The following ABHD2 variants were observed in gnomAD, a reference collection of about 807,000 sequenced individuals.
The protein encoded by ABHD2 is abhydrolase domain containing 2, acylglycerol lipase.
ABHD2 carries 20 observed loss-of-function variants against 48.1 expected under a neutral mutation model. The observed-to-expected ratio is 0.42, with a 90% CI of 0.29 to 0.60. The LOEUF (loss-of-function observed/expected upper bound fraction) is 0.60. Among genes scored for constraint, ABHD2 ranks in the 20% least tolerant of loss-of-function variants. ABHD2 has a pLI of 0.24. For missense variants in ABHD2, 405 were observed against 550.9 expected, an observed-to-expected ratio of 0.74 and a Z score of 2.65; for synonymous variants, 209 against 214.2, an observed-to-expected ratio of 0.98 and a Z score of 0.21.
the ABHD2 span, among the ~76,000 whole-genome samples, chr15:89,042,593 T>C: frequency 5.6e-5 from 4 of 71,576 alleles, no homozygotes; most frequent in South Asian, 9.0e-4. Flanking sequence ...CTTTCTTATT[T>C]ATTTATTTAT....
At chr15:89,083,799 A>AT, upstream of ABHD2, among the ~76,000 whole-genome samples, 1 of 152,194 alleles carries the variant, frequency 6.6e-6, no homozygotes, top group Non-Finnish European at 1.5e-5. The surrounding 1 kb of genome is among the most constrained non-coding windows in gnomAD (Gnocchi z 5.1). Flanking sequence ...AAAGGACCAC[A>AT]TTTTTGAATT....
intron 3 of ABHD2, among the ~76,000 whole-genome samples, chr15:89,117,069 A>G (rs1340831250): frequency 1.3e-5 from 2 of 152,152 alleles, no homozygotes; most frequent in Non-Finnish European, 2.9e-5. Flanking sequence ...TCAGTCACTC[A>G]GGCTGGAGTA....
At chr15:89,074,078 A>G in the ABHD2 span, among the ~76,000 whole-genome samples, 1 of 152,168 alleles carries the variant, frequency 6.6e-6, no homozygotes, top group Admixed American at 6.5e-5. Context: ...CACTCTGTAC[A>G]TAAGAGTCAC....
the ABHD2 span, among the ~76,000 whole-genome samples, chr15:89,046,644 G>A: frequency 1.3e-5 from 2 of 152,086 alleles, no homozygotes; most frequent in Non-Finnish European, 2.9e-5. Context: ...ATGTGTCGAG[G>A]AATTTATCCA....
the ABHD2 span, among the ~76,000 whole-genome samples, chr15:89,051,725 C>T: frequency 6.6e-6 from 1 of 152,170 alleles, no homozygotes; most frequent in African/African-American, 2.4e-5. Flanking sequence ...TTGCCTGCTG[C>T]CATGTAAGAC....
At chr15:89,069,951 A>C in the ABHD2 span, 1 of 152,164 alleles carries the variant, frequency 6.6e-6, no homozygotes, top group Non-Finnish European at 1.5e-5. Flanking sequence ...AAGTGCTGGG[A>C]TTATAGGCAT....
chr15:89,103,716 G>T (rs1357972182), intron 1 of ABHD2, among the ~76,000 whole-genome samples: 1 of 152,164 alleles, frequency 6.6e-6, no homozygotes, highest in African/African-American at 2.4e-5. Context: ...CTGACATCCA[G>T]AATCCAGAAT....
the ABHD2 span, among the ~76,000 whole-genome samples, chr15:89,080,510 C>T: frequency 2.6e-5 from 4 of 152,024 alleles, no homozygotes; most frequent in Non-Finnish European, 5.9e-5. Flanking sequence ...CAAAGACTGA[C>T]CTGAAAGATT....
chr15:89,151,610 T>C lies in ABHD2; in HGVS notation c.195-67T>C. 2 of 1,530,966 alleles carry C rather than the reference T, an allele frequency of 1.3e-6. No homozygotes were observed. The highest frequency in any genetic ancestry group is 1.3e-5 in the South Asian group (1 of 79,538). The allele number at this position is 1,530,966 out of a possible 1,614,324, so 94.8% of individuals were successfully genotyped here. A position where few individuals can be genotyped will look rare whatever the true frequency, so the allele number is the denominator to read the frequency against. ...CAAAAATAGGTTGAAAGAGTTTTGC[T>C]AAAAGATTTTTCAGAACGTTGCTCA... On this transcript the variant is annotated intron_variant, in intron 3 of 10. Coordinates refer to ENST00000352732, the MANE Select transcript of ABHD2 (RefSeq NM_152924.5). This position sits in a 1 kb window ranked among gnomAD's most constrained non-coding sequence, Gnocchi z 4.7.
chr15:89,171,654 G>A (rs560570530), intron 5 of ABHD2, among the ~76,000 whole-genome samples: 1 of 152,280 alleles, frequency 6.6e-6, no homozygotes, highest in East Asian at 1.9e-4. Context: ...CTTCCGAAAG[G>A]CTAAGCAGCG....
At chr15:89,132,171 G>A (rs879288551) in intron 3 of ABHD2, among the ~76,000 whole-genome samples, 1 of 152,182 alleles carries the variant, frequency 6.6e-6, no homozygotes, top group Non-Finnish European at 1.5e-5. Flanking sequence ...GATAATGCAG[G>A]GGAAAGAAAG....
upstream of ABHD2, among the ~76,000 whole-genome samples, chr15:89,083,959 G>T (rs146878354): frequency 5.2e-4 from 79 of 152,198 alleles, no homozygotes; most frequent in Non-Finnish European, 9.3e-4. The surrounding 1 kb of genome is among the most constrained non-coding windows in gnomAD (Gnocchi z 5.1). Context: ...AGACTGCACC[G>T]GCTGTGACAA....
rs1362430374 is a variant in ABHD2, at chr15:89,202,039, G to A, written c.*6616G>A. On this transcript the variant is annotated 3_prime_UTR_variant, in exon 11 of 11. Transcript: ENST00000352732. ...TTTCTGAAACTTAAAATGCTGCCCC[G>A]AAAATACTATATTTTTGAGTTTGTG... 4 of 380,304 alleles carry A rather than the reference G, an allele frequency of 1.1e-5. No homozygotes were observed. The highest frequency in any genetic ancestry group is 1.9e-5 in the Non-Finnish European group (4 of 209,274). The allele number at this position is 380,304 out of a possible 1,614,324, so 23.6% of individuals were successfully genotyped here. A position where few individuals can be genotyped will look rare whatever the true frequency, so the allele number is the denominator to read the frequency against.
rs2051401907 is a variant in ABHD2 at position 89,196,302 on chromosome 15, A to T, written c.*879A>T. 1 of 152,296 alleles carries T rather than the reference A, an allele frequency of 6.6e-6. No individual in the cohort carries two copies. Among genetic ancestry groups the T allele is most frequent in the South Asian group, 2.1e-4 (1 of 4,822 alleles). The allele number at this position is 152,296 out of a possible 1,614,324, so 9.4% of individuals were successfully genotyped here. On this transcript the variant is annotated 3_prime_UTR_variant, in exon 11 of 11. Coordinates refer to ENST00000352732, the MANE Select transcript of ABHD2 (RefSeq NM_152924.5). Reference sequence around the variant, plus strand: ...GCTATGGAGCTGCCGTCGTGTGACCACAGTGTGATGTCTCAGAAGGGCTCT... The same window carrying T: ...GCTATGGAGCTGCCGTCGTGTGACCTCAGTGTGATGTCTCAGAAGGGCTCT...
intron 5 of ABHD2, among the ~76,000 whole-genome samples, chr15:89,159,376 CA>C (rs1313139755): frequency 2.7e-5 from 4 of 150,032 alleles, no homozygotes; most frequent in Non-Finnish European, 4.5e-5. Flanking sequence ...GACTCCATCT[CA>C]AAAAAAAAGG....
At chr15:89,113,909 C>G (rs1334450202) in intron 2 of ABHD2, 85 bp downstream of exon 2, 1 of 152,186 alleles carries the variant, frequency 6.6e-6, no homozygotes, top group Non-Finnish European at 1.5e-5. Context: ...GAAGGACTGA[C>G]TTGTTTAATT....
chr15:89,048,534 C>T, the ABHD2 span, among the ~76,000 whole-genome samples: 2 of 152,122 alleles, frequency 1.3e-5, no homozygotes, highest in African/African-American at 4.8e-5. Context: ...TTCAGGTACA[C>T]CAATCAGACG....
chr15:89,084,206 G>C (rs1219091451), upstream of ABHD2, among the ~76,000 whole-genome samples: 1 of 65,558 alleles, frequency 1.5e-5, no homozygotes, highest in Non-Finnish European at 2.9e-5. The surrounding 1 kb of genome is among the most constrained non-coding windows in gnomAD (Gnocchi z 4.4). Flanking sequence ...GATTTTGCTA[G>C]TGTAAAAAAA....
At chr15:89,079,016 A>G in the ABHD2 span, among the ~76,000 whole-genome samples, 1 of 152,206 alleles carries the variant, frequency 6.6e-6, no homozygotes, top group African/African-American at 2.4e-5. This position sits in a 1 kb window ranked among gnomAD's most constrained non-coding sequence, Gnocchi z 4.3. Flanking sequence ...TACAGGCATG[A>G]GTCACTGTGC....
Sources: allele counts gnomAD v4.1 joint callset (sites outside exome capture counted in the v4.1 genomes callset), GRCh38; gene constraint gnomAD v4.1.1; non-coding constraint Gnocchi (gnomAD v3.1); transcripts MANE v1.5; gene names NCBI Gene and HGNC (gene_info 2026-07-23, HGNC 2026-07-21).